The following PROSER2 variants were observed in gnomAD, a reference collection of about 807,000 sequenced individuals.
The protein encoded by PROSER2 is proline and serine rich 2, also known as proline and serine-rich protein 2.
In PROSER2, 18 loss-of-function variants were observed where a neutral mutation model predicts 14.6. The ratio of observed to expected loss-of-function variants is 1.23; its 90% CI spans 0.85 to 1.83. The LOEUF (loss-of-function observed/expected upper bound fraction) is 1.83. PROSER2 is among the 40% of genes most tolerant of loss of function. The pLI, the probability that PROSER2 is intolerant of heterozygous loss-of-function variation, is 0.00. For synonymous variants in PROSER2, 367 were observed against 286.4 expected (o/e 1.28, Z -2.84); for missense variants, 823 against 629.8 (o/e 1.31, Z -3.28).
chr10:11,841,213 G>C (rs1833841436), intron 1 of PROSER2, among the ~76,000 whole-genome samples: 1 of 151,322 alleles, frequency 6.6e-6, no homozygotes, highest in Admixed American at 6.6e-5. Context: ...CCAGGAATTT[G>C]TCCATTTCAT....
In PROSER2 at chr10:11,866,374, G is replaced by A. The variant is rs1281570518; in HGVS notation, c.139-157G>A. On this transcript the variant is annotated intron_variant, in intron 2 of 3. Coordinates refer to ENST00000277570, the MANE Select transcript of PROSER2 (RefSeq NM_153256.4). This position sits in a 1 kb window ranked among gnomAD's most constrained non-coding sequence, Gnocchi z 6.0. The stretch of plus-strand genomic sequence containing the variant: ...ACACGTTCTCTTCCATCTGGGTGAT[G>A]GAGAGGCACACGCAGGCACTGTGTG... Among the ~76,000 whole-genome samples the A allele has an allele frequency of 6.6e-6, 1 of 152,164 alleles. No homozygotes were observed. Among genetic ancestry groups the A allele is most frequent in the Non-Finnish European group, 1.5e-5 (1 of 68,016 alleles).
intron 1 of PROSER2, among the ~76,000 whole-genome samples, chr10:11,826,388 T>C (rs979387366): frequency 6.6e-6 from 1 of 152,204 alleles, no homozygotes. Flanking sequence ...TTTGGGTCCG[T>C]ACCTGAAAGT....
At position 11,866,123 on chromosome 10, in the gene PROSER2, C is replaced by T. The variant is rs186119935; in HGVS notation, c.139-408C>T. On this transcript the variant is annotated intron_variant, in intron 2 of 3. Transcript: ENST00000277570. This position sits in a 1 kb window ranked among gnomAD's most constrained non-coding sequence, Gnocchi z 6.0. ...AAAAAAAAATCCCTTCGTTTTAGTA[C>T]GGTTTCTGGTGAGAAAGGAGATAAA... is the stretch of plus-strand genomic sequence containing the variant. Among the ~76,000 whole-genome samples, 254 of 152,168 alleles carry T rather than the reference C, an allele frequency of 1.7e-3. No homozygotes were observed. The highest frequency in any genetic ancestry group is 3.4e-3 in the Middle Eastern group (1 of 294).
At chr10:11,859,216 G>A (rs1588496542) in intron 2 of PROSER2, among the ~76,000 whole-genome samples, 2 of 151,994 alleles carry the variant, frequency 1.3e-5, no homozygotes, top group African/African-American at 4.8e-5. Flanking sequence ...GAGGTCAGGA[G>A]CTTGAGACCA....
intron 1 of PROSER2, among the ~76,000 whole-genome samples, chr10:11,826,612 C>G (rs1415179458): frequency 6.6e-6 from 1 of 152,206 alleles, no homozygotes; most frequent in Admixed American, 6.5e-5. Flanking sequence ...GAGTCTCTCT[C>G]TGTCAGCCAG....
At position 11,869,861 on chromosome 10, in the gene PROSER2, A is replaced by C; in HGVS notation, c.763A>C (p.Ser255Arg). The C allele has an allele frequency of 6.3e-7, 1 of 1,593,760 alleles. No homozygotes were observed. Among genetic ancestry groups the C allele is most frequent in the African/African-American group, 1.3e-5 (1 of 74,362 alleles). The change falls in exon 4 of 4, where the codon AGC becomes CGC. Residue 255 changes from serine to arginine, a missense_variant. Coordinates refer to ENST00000277570, the MANE Select transcript of PROSER2 (RefSeq NM_153256.4). The surrounding 1 kb of genome is among the most constrained non-coding windows in gnomAD (Gnocchi z 4.4). ...GCAGCCCAAGGCACCCCGCTTCCCC[A>C]GCAACATCATCGTCACCAACGGCGC... is the stretch of plus-strand genomic sequence containing the variant. ...PAQPKAPRFP[S>R]NIIVTNGAAR... is the part of the protein sequence containing the mutation.
chr10:11,831,381 G>A (rs1298112010), intron 1 of PROSER2, among the ~76,000 whole-genome samples: 1 of 152,110 alleles, frequency 6.6e-6, no homozygotes, highest in Non-Finnish European at 1.5e-5. Context: ...ACACAAACTT[G>A]TTTCACAAAA....
intron 1 of PROSER2, among the ~76,000 whole-genome samples, chr10:11,829,106 G>T (rs1395963341): frequency 3.3e-5 from 5 of 152,048 alleles, no homozygotes; most frequent in African/African-American, 1.2e-4. Flanking sequence ...GGCAGATCTT[G>T]TTTCCCGGCT....
At chr10:11,839,189 GA>G (rs1260267535) in intron 1 of PROSER2, among the ~76,000 whole-genome samples, 17 of 152,154 alleles carry the variant, frequency 1.1e-4, no homozygotes, top group Non-Finnish European at 2.1e-4. Flanking sequence ...TGAGGGCAGG[GA>G]GCAGGTCTCT....
chr10:11,870,108 G>A lies in PROSER2; in HGVS notation c.1010G>A (p.Arg337Gln). 3 of 1,323,542 alleles carry A rather than the reference G, an allele frequency of 2.3e-6. No homozygotes were observed. Among genetic ancestry groups the A allele is most frequent in the African/African-American group, 1.6e-5 (1 of 64,336 alleles). The allele number at this position is 1,323,542 out of a possible 1,614,324, so 82.0% of individuals were successfully genotyped here. ...ESLRAGGQAPRGPALANGFPS... is the reference protein window; with the variant it reads ...ESLRAGGQAPQGPALANGFPS... ...CTCCGGGCAGGGGGTCAGGCTCCGC[G>A]GGGCCCGGCGCTGGCCAACGGCTTC... The change falls in exon 4 of 4, where the codon CGG (arginine) becomes CAG (glutamine). Residue 337 changes from arginine (R) to glutamine (Q), a missense_variant. Coordinates refer to ENST00000277570, the MANE Select transcript of PROSER2 (RefSeq NM_153256.4).
rs937162484 is a variant in PROSER2, at chr10:11,870,076, T to C, written c.978T>C (p.Ala326=). The C allele has an allele frequency of 2.9e-4, 366 of 1,275,218 alleles. No individual in the cohort carries two copies. Among genetic ancestry groups the C allele is most frequent in the Non-Finnish European group, 3.5e-4 (352 of 1,011,148 alleles). The allele number at this position is 1,275,218 out of a possible 1,614,324, so 79.0% of individuals were successfully genotyped here. The change falls in exon 4 of 4, where the codon GCT becomes GCC. Residue 326 remains alanine (A), a synonymous_variant. Coordinates refer to ENST00000277570, the MANE Select transcript of PROSER2 (RefSeq NM_153256.4). ...VARGRGLPGP[A]ESLRAGGQAP... is the part of the protein sequence containing the mutation. ...GTGGCCGGGGCCTGCCGGGCCCCGC[T>C]GAGAGTCTCCGGGCAGGGGGTCAGG...
At chr10:11,868,892 C>T (rs1389727592) in intron 3 of PROSER2, among the ~76,000 whole-genome samples, 1 of 152,192 alleles carries the variant, frequency 6.6e-6, no homozygotes, top group Non-Finnish European at 1.5e-5. Context: ...CTCAAGTGAT[C>T]CACCTGCCTC....
At position 11,856,261 on chromosome 10, in the gene PROSER2, C is replaced by T. The variant is rs557506842; in HGVS notation, c.138+4046C>T. 4.6e-5 allele frequency among the ~76,000 whole-genome samples: 7 copies of T among 152,310 alleles called. No individual in the cohort carries two copies. In the South Asian group the frequency reaches 1.0e-3, roughly 23 times the overall value. On this transcript the variant is annotated intron_variant, in intron 2 of 3. Transcript: ENST00000277570. This position sits in a 1 kb window ranked among gnomAD's most constrained non-coding sequence, Gnocchi z 5.3. ...GCGGCTCTGGGTGTTTGGTTACCACCGTCACCCTCTAAGGCCTGTGTCTCC... is the reference window on the plus strand; with the variant it reads ...GCGGCTCTGGGTGTTTGGTTACCACTGTCACCCTCTAAGGCCTGTGTCTCC...
rs899989033 is a variant in PROSER2, at chr10:11,838,325, A to C, written c.-81-13672A>C. Among the ~76,000 whole-genome samples, 1 of 152,212 alleles carries C rather than the reference A, an allele frequency of 6.6e-6. No individual in the cohort carries two copies. The highest frequency in any genetic ancestry group is 1.5e-5 in the Non-Finnish European group (1 of 68,048). On this transcript the variant is annotated intron_variant, in intron 1 of 3. Coordinates refer to ENST00000277570, the MANE Select transcript of PROSER2 (RefSeq NM_153256.4). The surrounding 1 kb of genome is among the most constrained non-coding windows in gnomAD (Gnocchi z 4.4). The stretch of plus-strand genomic sequence containing the variant: ...TCTGACTTTTCATTGAGTGCTTTGA[A>C]GGTCTGTGCATGGCCTCATCCAGCT...
chr10:11,824,559 G>A (rs568406051), intron 1 of PROSER2, among the ~76,000 whole-genome samples: 1 of 152,316 alleles, frequency 6.6e-6, no homozygotes, highest in East Asian at 1.9e-4. Flanking sequence ...TTTCGTTCAT[G>A]AAGCCAATGT....
In PROSER2 at chr10:11,852,359, C is replaced by G. The variant is rs1834037300; in HGVS notation, c.138+144C>G. 4 of 932,396 alleles carry G rather than the reference C, an allele frequency of 4.3e-6. No individual in the cohort carries two copies. The South Asian group carries it at 7.8e-5, about 18-fold the overall frequency. The allele number at this position is 932,396 out of a possible 1,614,324, so 57.8% of individuals were successfully genotyped here. A position where few individuals can be genotyped will look rare whatever the true frequency, so the allele number is the denominator to read the frequency against. ...TGGAATACTTCTTTGTGAAGTGGTT[C>G]TTTATTTTTAATCATCTTAAATTTT... is the stretch of plus-strand genomic sequence containing the variant. On this transcript the variant is annotated intron_variant, in intron 2 of 3. Coordinates refer to ENST00000277570, the MANE Select transcript of PROSER2 (RefSeq NM_153256.4).
chr10:11,824,891 G>A (rs189571479), intron 1 of PROSER2, among the ~76,000 whole-genome samples: 45 of 152,302 alleles, frequency 3.0e-4, no homozygotes, highest in Admixed American at 2.2e-3. Flanking sequence ...AGGTCTGAGC[G>A]TGTTTGAATC....
At position 11,869,896 on chromosome 10, in the gene PROSER2, G is replaced by GC; in HGVS notation, c.802dup (p.Arg268ProfsTer60). ...TCGTCACCAACGGCGCGGCCCGGGAGCCCCGCAGGACCCTGTCCAGGGCGG... is the reference window on the plus strand; with the variant it reads ...TCGTCACCAACGGCGCGGCCCGGGAGCCCCCGCAGGACCCTGTCCAGGGCGG... On this transcript the variant is annotated frameshift_variant, in exon 4 of 4. Coordinates refer to ENST00000277570, the MANE Select transcript of PROSER2 (RefSeq NM_153256.4). LOFTEE classifies it low-confidence loss of function (END_TRUNC). This position sits in a 1 kb window ranked among gnomAD's most constrained non-coding sequence, Gnocchi z 4.4. 6.3e-7 allele frequency: 1 copy of GC among 1,588,602 alleles called. No individual in the cohort carries two copies. The highest frequency in any genetic ancestry group is 1.3e-5 in the African/African-American group (1 of 74,418).
At position 11,869,745 on chromosome 10, in the gene PROSER2, C is replaced by A. The variant is rs200231664; in HGVS notation, c.647C>A (p.Pro216Gln). The A allele has an allele frequency of 3.3e-4, 519 of 1,584,854 alleles. 3 individuals are homozygous for A. In the African/African-American group the frequency reaches 4.8e-3, roughly 15 times the overall value. Residue 216 changes from proline (P) to glutamine (Q), a missense_variant, in exon 4 of 4, where the codon CCG becomes CAG. Transcript: ENST00000277570. This position sits in a 1 kb window ranked among gnomAD's most constrained non-coding sequence, Gnocchi z 4.4. Reference protein sequence around the residue: ...AGNEALSPTSPFREGRPGEWR... With the variant: ...AGNEALSPTSQFREGRPGEWR... Reference sequence around the variant, plus strand: ...AACGAAGCCCTCTCGCCCACCTCCCCGTTCAGGGAGGGCCGGCCCGGGGAG... The same window carrying A: ...AACGAAGCCCTCTCGCCCACCTCCCAGTTCAGGGAGGGCCGGCCCGGGGAG...
Sources: gnomAD v4.1 joint callset for allele counts (sites outside exome capture counted in the v4.1 genomes callset) on GRCh38, gnomAD v4.1.1 for gene constraint, Gnocchi (gnomAD v3.1) non-coding constraint, MANE v1.5 for transcripts, NCBI Gene and HGNC (gene_info 2026-07-23, HGNC 2026-07-21) for gene names.